The following GALNT18 variants were observed in gnomAD, a reference collection of about 807,000 sequenced individuals.
GALNT18 encodes polypeptide N-acetylgalactosaminyltransferase 18.
Under a neutral mutation model 69.5 loss-of-function variants are expected in GALNT18, and 44 were observed. The observed-to-expected ratio is 0.63, with a 90% confidence interval of 0.50 to 0.81. The LOEUF (loss-of-function observed/expected upper bound fraction) is 0.81, where lower values mean the gene tolerates loss of function less well. Among genes scored for constraint, GALNT18 ranks in the 40% least tolerant of loss-of-function variants. The probability of loss-of-function intolerance (pLI) is 0.00; values close to 1 mark genes in which losing one functional copy is unlikely to be tolerated. For synonymous variants in GALNT18, 364 were observed against 318.2 expected (o/e 1.14, Z -1.53); for missense variants, 715 against 810.0 (o/e 0.88, Z 1.42).
At chr11:11,373,319 T>C (rs1161354322) in intron 5 of GALNT18, among the ~76,000 whole-genome samples, 2 of 152,022 alleles carry the variant, frequency 1.3e-5, no homozygotes, top group African/African-American at 2.4e-5. Context: ...GGAACAGAGA[T>C]AGGAATTTTT....
chr11:11,554,645 C>A (rs1858284181), intron 1 of GALNT18, among the ~76,000 whole-genome samples: 1 of 152,106 alleles, frequency 6.6e-6, no homozygotes, highest in African/African-American at 2.4e-5. Flanking sequence ...TATTTGTTCA[C>A]AGAACTCCAT....
intron 6 of GALNT18, among the ~76,000 whole-genome samples, chr11:11,354,856 G>A (rs1241767222): frequency 6.6e-6 from 1 of 152,092 alleles, no homozygotes; most frequent in Non-Finnish European, 1.5e-5. Flanking sequence ...CTGTCCCTTA[G>A]TCTGCCCCTC....
In GALNT18 at chr11:11,343,745, A is replaced by C. The variant is rs142026189; in HGVS notation, c.1093-2741T>G. On this transcript the variant is annotated intron_variant, in intron 6 of 10. Transcript: ENST00000227756. ...TGGCTATTGCTTGACATATTTCAAC[A>C]ATACAACACAGAGCATGAGTCGTAG... Among the ~76,000 whole-genome samples, 503 of 152,340 alleles carry C rather than the reference A, an allele frequency of 3.3e-3. 11 individuals are homozygous for C. Among genetic ancestry groups the C allele is most frequent in the Admixed American group, 0.024 (361 of 15,300 alleles).
At chr11:11,532,371 G>C (rs182999398) in intron 1 of GALNT18, among the ~76,000 whole-genome samples, 1 of 152,218 alleles carries the variant, frequency 6.6e-6, no homozygotes, top group South Asian at 2.1e-4. Context: ...CAGAGTCTTC[G>C]GATAACTATC....
intron 10 of GALNT18, 111 bp downstream of exon 10, chr11:11,292,918 G>C: frequency 9.9e-7 from 1 of 1,008,916 alleles, no homozygotes; most frequent in South Asian, 3.7e-5. Context: ...ACTACTGCCA[G>C]TCTGTCTCTC....
At chr11:11,360,340 C>T (rs760792955) in intron 6 of GALNT18, among the ~76,000 whole-genome samples, 2 of 152,220 alleles carry the variant, frequency 1.3e-5, no homozygotes, top group Non-Finnish European at 1.5e-5. Flanking sequence ...GCATCAGGAT[C>T]TTTCAGCCTT....
At chr11:11,539,832 G>A (rs1857870090) in intron 1 of GALNT18, among the ~76,000 whole-genome samples, 1 of 152,228 alleles carries the variant, frequency 6.6e-6, no homozygotes, top group African/African-American at 2.4e-5. Flanking sequence ...GGAAACTGCT[G>A]TCAAAAGCAG....
intron 1 of GALNT18, among the ~76,000 whole-genome samples, chr11:11,559,993 G>A (rs1398529789): frequency 1.1e-4 from 16 of 151,926 alleles, no homozygotes; most frequent in African/African-American, 3.9e-4. Flanking sequence ...GATATGATGG[G>A]ATGGTGTGGA....
At chr11:11,552,629 G>C (rs969167305) in intron 1 of GALNT18, among the ~76,000 whole-genome samples, 1 of 152,158 alleles carries the variant, frequency 6.6e-6, no homozygotes, top group Non-Finnish European at 1.5e-5. Context: ...TTCAGGGTCA[G>C]CCTAGAGCCC....
chr11:11,457,125 A>G (rs1313377067), intron 1 of GALNT18, among the ~76,000 whole-genome samples: 1 of 152,190 alleles, frequency 6.6e-6, no homozygotes, highest in Non-Finnish European at 1.5e-5. Context: ...TTCCTGCATG[A>G]AGGGTTCTGC....
intron 3 of GALNT18, among the ~76,000 whole-genome samples, chr11:11,398,566 C>T (rs1854387506): frequency 6.6e-6 from 1 of 152,246 alleles, no homozygotes; most frequent in African/African-American, 2.4e-5. Flanking sequence ...CGGGCTTCAG[C>T]TCTGCGCAAT....
rs149307614 is a variant in GALNT18 at position 11,436,619 on chromosome 11, G to A, written c.429-3832C>T. On this transcript the variant is annotated intron_variant, in intron 2 of 10. Transcript: ENST00000227756. The surrounding 1 kb of genome is among the most constrained non-coding windows in gnomAD (Gnocchi z 4.5). ...CCCTTTCAGTTTCCACAAAACACAC[G>A]TTCATGCCACATCATGACACGGTCT... Among the ~76,000 whole-genome samples, 15 of 152,286 alleles carry A rather than the reference G, an allele frequency of 9.8e-5. No individual in the cohort carries two copies. The East Asian group carries it at 2.1e-3, about 22-fold the overall frequency.
At chr11:11,284,607 T>G (rs139368711) in intron 10 of GALNT18, among the ~76,000 whole-genome samples, 2 of 152,232 alleles carry the variant, frequency 1.3e-5, no homozygotes, top group Non-Finnish European at 2.9e-5. Context: ...AAGGACGCTG[T>G]GTGTGTACTA....
intron 6 of GALNT18, among the ~76,000 whole-genome samples, chr11:11,369,875 A>C (rs1850857918): frequency 6.6e-6 from 1 of 152,202 alleles, no homozygotes; most frequent in Non-Finnish European, 1.5e-5. Flanking sequence ...ATAATTGTGA[A>C]TAAAGTAGAA....
At chr11:11,545,780 G>A (rs1858041076) in intron 1 of GALNT18, among the ~76,000 whole-genome samples, 1 of 152,218 alleles carries the variant, frequency 6.6e-6, no homozygotes, top group African/African-American at 2.4e-5. Flanking sequence ...GAAGCTCCCT[G>A]GGGGATGGTA....
chr11:11,466,566 G>C (rs562203706), intron 1 of GALNT18, among the ~76,000 whole-genome samples: 7 of 152,210 alleles, frequency 4.6e-5, no homozygotes, highest in Non-Finnish European at 8.8e-5. Flanking sequence ...AGGGGAGTCT[G>C]AGACCCCTCT....
At position 11,402,212 on chromosome 11, in the gene GALNT18, C is replaced by T. The variant is rs1222719008; in HGVS notation, c.596-22948G>A. On this transcript the variant is annotated intron_variant, in intron 3 of 10. Transcript: ENST00000227756. This position sits in a 1 kb window ranked among gnomAD's most constrained non-coding sequence, Gnocchi z 4.0. ...GGTTTATTTTCTGTCACCTTGGGAA[C>T]GCTACCCTTCAGAGTGTTTATAGAA... 2.0e-5 allele frequency among the ~76,000 whole-genome samples: 3 copies of T among 152,196 alleles called. No individual in the cohort carries two copies. The highest frequency in any genetic ancestry group is 4.8e-5 in the African/African-American group (2 of 41,444).
chr11:11,345,415 C>T (rs1360847878), intron 6 of GALNT18, among the ~76,000 whole-genome samples: 2 of 152,022 alleles, frequency 1.3e-5, no homozygotes, highest in East Asian at 3.9e-4. Context: ...AAAGTCATAC[C>T]CACAGCTCAT....
At position 11,432,556 on chromosome 11, in the gene GALNT18, T is replaced by TG. The variant is rs1855291497; in HGVS notation, c.595+64dup. 9 of 1,504,052 alleles carry TG rather than the reference T, an allele frequency of 6.0e-6. No individual in the cohort carries two copies. The highest frequency in any genetic ancestry group is 7.2e-6 in the Non-Finnish European group (8 of 1,106,340). The allele number at this position is 1,504,052 out of a possible 1,614,324, so 93.2% of individuals were successfully genotyped here. A position where few individuals can be genotyped will look rare whatever the true frequency, so the allele number is the denominator to read the frequency against. ...CTTGAGCAAATGTGAACCACGACGCTGAACCATCAGCTTAGATGTCAGCCA... is the reference window on the plus strand; with the variant it reads ...CTTGAGCAAATGTGAACCACGACGCTGGAACCATCAGCTTAGATGTCAGCCA... On this transcript the variant is annotated intron_variant, in intron 3 of 10. Transcript: ENST00000227756. This position sits in a 1 kb window ranked among gnomAD's most constrained non-coding sequence, Gnocchi z 5.8.
Sources: gnomAD v4.1 joint callset for allele counts (sites outside exome capture counted in the v4.1 genomes callset) on GRCh38, gnomAD v4.1.1 for gene constraint, Gnocchi (gnomAD v3.1) non-coding constraint, MANE v1.5 for transcripts, NCBI Gene and HGNC (gene_info 2026-07-23, HGNC 2026-07-21) for gene names.